MTCL2: variants seen among roughly 807,000 people sequenced by gnomAD.
MTCL2 encodes microtubule cross-linking factor 2.
chr20:36,847,064 C>G, the MTCL2 span, among the ~76,000 whole-genome samples: 1 of 152,220 alleles, frequency 6.6e-6, no homozygotes, highest in Non-Finnish European at 1.5e-5. Flanking sequence ...CAGGCCCCCG[C>G]ACAGGCAGTA....
chr20:36,813,008 C>T, the MTCL2 span, among the ~76,000 whole-genome samples: 4 of 152,204 alleles, frequency 2.6e-5, no homozygotes, highest in Non-Finnish European at 5.9e-5. Flanking sequence ...CCAGACCCAG[C>T]CCCAGCTGGG....
the MTCL2 span, among the ~76,000 whole-genome samples, chr20:36,834,271 C>T: frequency 2.7e-4 from 41 of 152,168 alleles, 1 homozygote; most frequent in Admixed American, 1.5e-3. Flanking sequence ...GGAATGTCAC[C>T]CCCACTCTAC....
At chr20:36,858,333 CACACACACACACACACACT>C in the MTCL2 span, among the ~76,000 whole-genome samples, 1 of 123,868 alleles carries the variant, frequency 8.1e-6, no homozygotes, top group African/African-American at 3.1e-5. Context: ...CACACACACA[CACACACACACACACACACT>C]GGCTGCACTT....
the MTCL2 span, among the ~76,000 whole-genome samples, chr20:36,849,406 A>G: frequency 6.6e-6 from 1 of 152,086 alleles, no homozygotes; most frequent in Non-Finnish European, 1.5e-5. Context: ...AGGCGGGAGA[A>G]GCAGAGCTCC....
the MTCL2 span, among the ~76,000 whole-genome samples, chr20:36,789,424 G>A: frequency 6.6e-6 from 1 of 152,194 alleles, no homozygotes; most frequent in African/African-American, 2.4e-5. Flanking sequence ...CACTTTGGGA[G>A]ACTGAGGCAG....
the MTCL2 span, chr20:36,859,667 C>T: frequency 1.6e-6 from 2 of 1,231,780 alleles, no homozygotes; most frequent in East Asian, 3.2e-5. Flanking sequence ...CCATACCAGA[C>T]TGGAGATCAC....
the MTCL2 span, chr20:36,808,503 C>A: frequency 6.3e-7 from 1 of 1,576,766 alleles, no homozygotes; most frequent in South Asian, 1.2e-5. Context: ...AGTCCCTGGC[C>A]CAATCTTACC....
At chr20:36,778,992 T>G in the MTCL2 span, 4 of 152,426 alleles carry the variant, frequency 2.6e-5, no homozygotes, top group African/African-American at 9.7e-5. Flanking sequence ...CCTCAGGGCA[T>G]GGTGTCCAGA....
At chr20:36,806,008 T>G in the MTCL2 span, 1 of 1,509,708 alleles carries the variant, frequency 6.6e-7, no homozygotes. Context: ...TTCCCAAATT[T>G]TAATTCCAAC....
the MTCL2 span, among the ~76,000 whole-genome samples, chr20:36,833,606 T>C: frequency 1.3e-5 from 2 of 152,060 alleles, no homozygotes; most frequent in South Asian, 4.1e-4. Context: ...TCCAATACTT[T>C]GGGAGGTCGA....
At chr20:36,817,337 C>A in the MTCL2 span, 42 of 1,374,896 alleles carry the variant, frequency 3.1e-5, no homozygotes, top group South Asian at 5.6e-4. Context: ...AATCTGGGAT[C>A]CCCAGGCCAC....
chr20:36,782,806 AT>A, the MTCL2 span: 1 of 152,540 alleles, frequency 6.6e-6, no homozygotes, highest in South Asian at 2.1e-4. Context: ...AAGAGCTGGG[AT>A]TTCAGGCGTG....
the MTCL2 span, chr20:36,784,243 G>A: frequency 1.0e-6 from 1 of 986,046 alleles, no homozygotes; most frequent in Non-Finnish European, 1.2e-6. Context: ...GGTGAGAGCA[G>A]CAGCATCCAA....
chr20:36,777,951 C>G, the MTCL2 span: 1 of 577,682 alleles, frequency 1.7e-6, no homozygotes, highest in Non-Finnish European at 3.1e-6. Flanking sequence ...GTTAAGATTT[C>G]TTTCAGTTTG....
chr20:36,804,833 C>T, the MTCL2 span: 1 of 1,614,008 alleles, frequency 6.2e-7, no homozygotes, highest in Non-Finnish European at 8.5e-7. Flanking sequence ...CGGCGTTCAT[C>T]CCGGAGCAGC....
At chr20:36,812,224 T>G in the MTCL2 span, among the ~76,000 whole-genome samples, 1 of 152,216 alleles carries the variant, frequency 6.6e-6, no homozygotes, top group African/African-American at 2.4e-5. Flanking sequence ...GACCATGCCT[T>G]AAGCTATGGC....
the MTCL2 span, among the ~76,000 whole-genome samples, chr20:36,860,036 C>T: frequency 6.6e-6 from 1 of 152,162 alleles, no homozygotes; most frequent in African/African-American, 2.4e-5. Context: ...TTTGACCCTG[C>T]CTCTGTGAGG....
chr20:36,840,080 T>C, the MTCL2 span, among the ~76,000 whole-genome samples: 1 of 151,990 alleles, frequency 6.6e-6, no homozygotes, highest in East Asian at 1.9e-4. Context: ...GCCAGGTTGG[T>C]CTTGAACTCC....
At chr20:36,847,038 G>A in the MTCL2 span, among the ~76,000 whole-genome samples, 9 of 152,162 alleles carry the variant, frequency 5.9e-5, no homozygotes, top group African/African-American at 2.2e-4. Context: ...CACCTATTAG[G>A]AGGCTCACTA....
Sources: allele counts gnomAD v4.1 joint callset (sites outside exome capture counted in the v4.1 genomes callset), GRCh38; gene constraint gnomAD v4.1.1; transcripts MANE v1.5; gene names NCBI Gene and HGNC (gene_info 2026-07-23, HGNC 2026-07-21).